ZNF709: variants seen among roughly 807,000 people sequenced by gnomAD.
ZNF709 encodes zinc finger protein 709.
Under a neutral mutation model 10.6 loss-of-function variants are expected in ZNF709, and 15 were observed. That is an observed-to-expected ratio of 1.41 (90% confidence interval 0.95 to 2.18). The LOEUF is 2.18. Ranked by LOEUF, ZNF709 falls within the 30% of genes most tolerant of loss-of-function variation. The pLI, the probability that ZNF709 is intolerant of heterozygous loss-of-function variation, is 0.00. For synonymous variants in ZNF709, 194 were observed against 238.8 expected, an observed-to-expected ratio of 0.81 and a Z score of 1.73; for missense variants, 589 against 774.0, an observed-to-expected ratio of 0.76 and a Z score of 2.84.
In ZNF709 at chr19:12,464,298, T is replaced by A. The variant is rs1318789340; in HGVS notation, c.1624A>T (p.Ser542Cys). Residue 542 changes from serine (S) to cysteine (C), a missense_variant, in exon 4 of 4, where the codon AGT becomes TGT. This residue lies in a region of ZNF709 where 171 missense variants were observed against 277.7 expected (regional missense o/e 0.62). Coordinates refer to ENST00000397732, the MANE Select transcript of ZNF709 (RefSeq NM_152601.4). Reference protein sequence around the residue: ...YECKQCGKAFSCSSSIRIHER... With the variant: ...YECKQCGKAFCCSSSIRIHER... Reference sequence around the variant, plus strand: ...TGTATTCGAATGGAACTGGAACAACTAAACGCCTTACCACACTGTTTACAT... The same window carrying A: ...TGTATTCGAATGGAACTGGAACAACAAAACGCCTTACCACACTGTTTACAT... 6 of 1,606,500 alleles carry A rather than the reference T, an allele frequency of 3.7e-6. No homozygotes were observed. The highest frequency in any genetic ancestry group is 5.1e-6 in the Non-Finnish European group (6 of 1,176,706).
chr19:12,476,814 T>G (rs1332487420), intron 1 of ZNF709, among the ~76,000 whole-genome samples: 2 of 152,072 alleles, frequency 1.3e-5, no homozygotes, highest in African/African-American at 4.8e-5. Context: ...AACATAAAGG[T>G]CTCTTATTTT....
Position 12,464,694 on chromosome 19 carries a change from G to T in ZNF709, c.1228C>A (p.His410Asn). Residue 410 changes from histidine to asparagine, a missense_variant, in exon 4 of 4, where the codon CAT becomes AAT. Transcript: ENST00000397732. The stretch of plus-strand genomic sequence containing the variant: ...TTCTCTCCAGTGTGAGTTCTTTCAT[G>T]CATTCGAAAGGAACTGGAACAACTG... ...AFSCSSSFRMHERTHTGEKPH... is the reference protein window; with the variant it reads ...AFSCSSSFRMNERTHTGEKPH... 1 of 1,613,964 alleles carries T rather than the reference G, an allele frequency of 6.2e-7. No homozygotes were observed. The highest frequency in any genetic ancestry group is 2.2e-5 in the East Asian group (1 of 44,860).
chr19:12,465,556 T>C lies in ZNF709; in HGVS notation c.366A>G (p.Arg122=), dbSNP rs1044968609. The C allele has an allele frequency of 6.2e-7, 1 of 1,613,958 alleles. No homozygotes were observed. The highest frequency in any genetic ancestry group is 1.3e-5 in the African/African-American group (1 of 75,058). Residue 122 remains arginine (R), a synonymous_variant, in exon 4 of 4, where the codon AGA becomes AGG. Coordinates refer to ENST00000397732, the MANE Select transcript of ZNF709 (RefSeq NM_152601.4). ...CATATGATCTATGTTCAGTATGAGA[T>C]CTCATGTGCCTATTAAGAGATGAAT... is the stretch of plus-strand genomic sequence containing the variant. ...MCHSSLNRHM[R]SHTEHRSYEY... is the part of the protein sequence containing the mutation.
intron 1 of ZNF709, among the ~76,000 whole-genome samples, chr19:12,483,177 C>T (rs1221133133): frequency 1.3e-5 from 2 of 152,072 alleles, no homozygotes; most frequent in Non-Finnish European, 2.9e-5. Flanking sequence ...GGTGTGAGAC[C>T]TTGCTCAGCC....
Position 12,483,502 on chromosome 19 carries a change from A to C in ZNF709, c.3+1153T>G, listed in dbSNP as rs993091811. On this transcript the variant is annotated intron_variant, in intron 1 of 3. Transcript: ENST00000397732. Reference sequence around the variant, plus strand: ...CCCATCTCTTTCTTGCCTCTTTGGAAATATTTTACATCCACTCTAAAGGTT... The same window carrying C: ...CCCATCTCTTTCTTGCCTCTTTGGACATATTTTACATCCACTCTAAAGGTT... Among the ~76,000 whole-genome samples, 17 of 151,624 alleles carry C rather than the reference A, an allele frequency of 1.1e-4. No individual in the cohort carries two copies. The East Asian group carries it at 3.1e-3, about 28-fold the overall frequency.
chr19:12,466,501 T>G lies in ZNF709; in HGVS notation c.149A>C (p.Lys50Thr). ...CTGATTTTTGTGATCTTCAATGTTC[T>G]TCTCCTCCCAGTTTTCCCCTAAAAT... ...LASIGENWEE[K>T]NIEDHKNQGR... Residue 50 changes from lysine to threonine, a missense_variant, in exon 3 of 4, where the codon AAG (lysine) becomes ACG (threonine). By Grantham distance (78) the Lys-to-Thr change is moderately conservative. Coordinates refer to ENST00000397732, the MANE Select transcript of ZNF709 (RefSeq NM_152601.4). 6.2e-7 allele frequency: 1 copy of G among 1,614,104 alleles called. No individual in the cohort carries two copies. Among genetic ancestry groups the G allele is most frequent in the Non-Finnish European group, 8.5e-7 (1 of 1,180,012 alleles).
Position 12,464,083 on chromosome 19 carries a change from C to A in ZNF709, c.1839G>T (p.Glu613Asp). 1 of 1,558,690 alleles carries A rather than the reference C, an allele frequency of 6.4e-7. No homozygotes were observed. Among genetic ancestry groups the A allele is most frequent in the Admixed American group, 2.0e-5 (1 of 49,786 alleles). The stretch of plus-strand genomic sequence containing the variant: ...CACATTGTTGACATGCATAGGGTTT[C>A]TCTCCAGTGTGAGTTCGTTCATGGA... Reference protein sequence around the residue: ...FRIHERTHTGEKPYACQQCGK... With the variant: ...FRIHERTHTGDKPYACQQCGK... Residue 613 changes from glutamate (E) to aspartate (D), a missense_variant, in exon 4 of 4, where the codon GAG (glutamate) becomes GAT (aspartate). This residue lies in a region of ZNF709 where 171 missense variants were observed against 277.7 expected (regional missense o/e 0.62). Coordinates refer to ENST00000397732, the MANE Select transcript of ZNF709 (RefSeq NM_152601.4).
Position 12,465,227 on chromosome 19 carries a change from G to A in ZNF709, c.695C>T (p.Thr232Met), listed in dbSNP as rs781217705. The change falls in exon 4 of 4, where the codon ACG becomes ATG. Residue 232 changes from threonine to methionine, a missense_variant. Physicochemically the swap from Thr to Met is moderately conservative, Grantham distance 81. Coordinates refer to ENST00000397732, the MANE Select transcript of ZNF709 (RefSeq NM_152601.4). ...KPYKCKECGK[T>M]FSHPSSFRNH... Reference sequence around the variant, plus strand: ...TCGAAAAGAACTGGGATGACTGAACGTTTTCCCGCATTCTTTACATTTATA... The same window carrying A: ...TCGAAAAGAACTGGGATGACTGAACATTTTCCCGCATTCTTTACATTTATA... 2.1e-5 allele frequency: 34 copies of A among 1,612,784 alleles called. No individual in the cohort carries two copies. Among genetic ancestry groups the A allele is most frequent in the Admixed American group, 1.2e-4 (7 of 59,908 alleles).
In ZNF709 at chr19:12,476,311, G is replaced by C. The variant is rs933367704; in HGVS notation, c.3+8344C>G. The stretch of plus-strand genomic sequence containing the variant: ...GGAGGCTGAAGTGGGAGGAGTGCTT[G>C]AGCCCAGGAGGTTGAGGCTGCAGTG... On this transcript the variant is annotated intron_variant, in intron 1 of 3. Coordinates refer to ENST00000397732, the MANE Select transcript of ZNF709 (RefSeq NM_152601.4). Among the ~76,000 whole-genome samples the C allele has an allele frequency of 3.9e-5, 6 of 151,988 alleles. No individual in the cohort carries two copies. The East Asian group carries it at 1.2e-3, about 29-fold the overall frequency.
At chr19:12,483,796 A>G (rs1377558982) in intron 1 of ZNF709, among the ~76,000 whole-genome samples, 2 of 152,168 alleles carry the variant, frequency 1.3e-5, no homozygotes, top group Non-Finnish European at 2.9e-5. Context: ...TTGAGAATCA[A>G]TTAAGTGAGT....
chr19:12,465,256 T>C lies in ZNF709; in HGVS notation c.666A>G (p.Lys222=). 6.2e-7 allele frequency: 1 copy of C among 1,613,262 alleles called. No individual in the cohort carries two copies. Among genetic ancestry groups the C allele is most frequent in the Non-Finnish European group, 8.5e-7 (1 of 1,179,542 alleles). Residue 222 remains lysine, a synonymous_variant, in exon 4 of 4, where the codon AAA becomes AAG. Transcript: ENST00000397732. ...TCCCGCATTCTTTACATTTATAGGGTTTCTCCCCTGTGTGCATTCTCATGT... is the reference window on the plus strand; with the variant it reads ...TCCCGCATTCTTTACATTTATAGGGCTTCTCCCCTGTGTGCATTCTCATGT... ...RGHMRMHTGE[K]PYKCKECGKT...
At position 12,464,874 on chromosome 19, in the gene ZNF709, T is replaced by C. The variant is rs759990833; in HGVS notation, c.1048A>G (p.Ser350Gly). ...ECGKAFISLP[S>G]YRRHMIMHTG... The stretch of plus-strand genomic sequence containing the variant: ...TGCATTATCATATGTCTTCGATAGC[T>C]TGGAAGAGAAATGAATGCTTTCCCA... The change falls in exon 4 of 4, where the codon AGC becomes GGC. Residue 350 changes from serine (S) to glycine (G), a missense_variant. This residue lies in a region of ZNF709 where 418 missense variants were observed against 496.3 expected (regional missense o/e 0.84). Coordinates refer to ENST00000397732, the MANE Select transcript of ZNF709 (RefSeq NM_152601.4). 2.5e-6 allele frequency: 4 copies of C among 1,613,880 alleles called. No individual in the cohort carries two copies. Among genetic ancestry groups the C allele is most frequent in the East Asian group, 2.2e-5 (1 of 44,846 alleles).
chr19:12,474,604 A>AT (rs1395912957), intron 1 of ZNF709, among the ~76,000 whole-genome samples: 1 of 152,202 alleles, frequency 6.6e-6, no homozygotes, highest in Non-Finnish European at 1.5e-5. Flanking sequence ...CATCTATGCT[A>AT]TTATCCATAA....
intron 1 of ZNF709, among the ~76,000 whole-genome samples, chr19:12,472,217 CAT>C (rs1258565787): frequency 2.0e-5 from 3 of 152,032 alleles, no homozygotes; most frequent in Non-Finnish European, 2.9e-5. Context: ...AAAGTGAACA[CAT>C]GATTTAAAAA....
At position 12,484,731 on chromosome 19, in the gene ZNF709, G is replaced by T; in HGVS notation, c.-74C>A. On this transcript the variant is annotated 5_prime_UTR_variant, in exon 1 of 4. Coordinates refer to ENST00000397732, the MANE Select transcript of ZNF709 (RefSeq NM_152601.4). ...CAGCACAGGTCCTACCTCCACCTGA[G>T]GCCCTTCCTCCACCTGAGGGCCTTC... is the stretch of plus-strand genomic sequence containing the variant. 1 of 1,608,406 alleles carries T rather than the reference G, an allele frequency of 6.2e-7. No individual in the cohort carries two copies. Among genetic ancestry groups the T allele is most frequent in the African/African-American group, 1.3e-5 (1 of 74,942 alleles).
chr19:12,476,728 A>G, intron 1 of ZNF709, among the ~76,000 whole-genome samples: 1 of 152,234 alleles, frequency 6.6e-6, no homozygotes, highest in East Asian at 1.9e-4. Context: ...AGTCAGAGGG[A>G]CAATAGCTAT....
intron 3 of ZNF709, among the ~76,000 whole-genome samples, chr19:12,466,075 G>C (rs1970568259): frequency 6.6e-6 from 1 of 151,852 alleles, no homozygotes; most frequent in Non-Finnish European, 1.5e-5. Flanking sequence ...TGAGTAGCTG[G>C]GATTACAGGT....
Position 12,466,459 on chromosome 19 carries a change from C to T in ZNF709, c.188+3G>A, listed in dbSNP as rs1362553937. On this transcript the variant is annotated splice_donor_region_variant and intron_variant, in intron 3 of 3. Coordinates refer to ENST00000397732, the MANE Select transcript of ZNF709 (RefSeq NM_152601.4). ...AGTATTTTCTTTTGTAAGTACAACT[C>T]ACCTTAGCTTTCTCCCCTGATTTTT... 6.2e-7 allele frequency: 1 copy of T among 1,613,650 alleles called. No homozygotes were observed. Among genetic ancestry groups the T allele is most frequent in the African/African-American group, 1.3e-5 (1 of 74,894 alleles).
In ZNF709 at chr19:12,466,754, G is replaced by A; in HGVS notation, c.100C>T (p.Gln34Ter). 6.2e-7 allele frequency: 1 copy of A among 1,613,922 alleles called. No homozygotes were observed. Among genetic ancestry groups the A allele is most frequent in the Non-Finnish European group, 8.5e-7 (1 of 1,179,944 alleles). The stretch of plus-strand genomic sequence containing the variant: ...GAGGCCAAGTTAACAAAGGTTTCTT[G>A]CATCACATCTCTGTAGAGTTTCTTC... ...SQKKLYRDVM[Q>*]ETFVNLASIG... The change falls in exon 2 of 4, where the codon CAA becomes TAA. Residue 34 changes from glutamine to a stop codon, truncating the protein, a stop_gained. Coordinates refer to ENST00000397732, the MANE Select transcript of ZNF709 (RefSeq NM_152601.4). LOFTEE classifies it high-confidence loss of function.
Sources: gnomAD v4.1 joint callset for allele counts (sites outside exome capture counted in the v4.1 genomes callset) on GRCh38, gnomAD v4.1.1 for gene constraint, gnomAD v4.1.1 regional missense constraint, MANE v1.5 for transcripts, NCBI Gene and HGNC (gene_info 2026-07-23, HGNC 2026-07-21) for gene names.